Variants in OR1F1 observed in about 807,000 individuals in gnomAD.
OR1F1 encodes olfactory receptor family 1 subfamily F member 1, also known as olfactory receptor 1F1.
For synonymous variants in OR1F1, 184 were observed against 156.7 expected, an observed-to-expected ratio of 1.17 and a Z score of -1.30; for missense variants, 493 against 376.3, an observed-to-expected ratio of 1.31 and a Z score of -2.57.
chr16:3,205,646 A>G (rs1958199167), downstream of OR1F1, among the ~76,000 whole-genome samples: 1 of 152,170 alleles, frequency 6.6e-6, no homozygotes, highest in South Asian at 2.1e-4. Context: ...TCCCAAAATT[A>G]ATACTTTTAT....
the OR1F1 span, among the ~76,000 whole-genome samples, chr16:3,196,088 A>T: frequency 6.6e-6 from 1 of 152,184 alleles, no homozygotes; most frequent in Non-Finnish European, 1.5e-5. Flanking sequence ...GCACTGCCTG[A>T]TTCATCCTCA....
upstream of OR1F1, chr16:3,204,106 C>T: frequency 1.5e-6 from 1 of 649,182 alleles, no homozygotes; most frequent in Non-Finnish European, 2.6e-6. Context: ...CAGTAGCAGC[C>T]CCAGCAGGGT....
At chr16:3,197,765 AAGAGAGGGAGAAGGAG>A in the OR1F1 span, among the ~76,000 whole-genome samples, 4 of 19,754 alleles carry the variant, frequency 2.0e-4, no homozygotes, top group Non-Finnish European at 2.9e-4. Context: ...GAGAAGGAGA[AAGAGAGGGAGAAGGAG>A]GGAGAGGGAG....
At chr16:3,193,836 A>G in the OR1F1 span, among the ~76,000 whole-genome samples, 1 of 152,172 alleles carries the variant, frequency 6.6e-6, no homozygotes, top group Admixed American at 6.5e-5. Flanking sequence ...ATAAATGCCC[A>G]AACCAATTCT....
the OR1F1 span, chr16:3,189,638 C>G: frequency 1.3e-5 from 2 of 151,952 alleles, no homozygotes; most frequent in African/African-American, 4.8e-5. Context: ...TCGTGTGGCT[C>G]GTTGGTCTAG....
chr16:3,203,312 A>T (rs1453642794), upstream of OR1F1, among the ~76,000 whole-genome samples: 2 of 152,182 alleles, frequency 1.3e-5, no homozygotes, highest in Non-Finnish European at 1.5e-5. Context: ...TCAAGGGCTG[A>T]GTCTGTGCAG....
chr16:3,204,345 C>T, exon 1 of OR1F1: 1 of 1,614,120 alleles, frequency 6.2e-7, no homozygotes. Context: ...TCTTCCTCAG[C>T]ATGTACCTGG....
the OR1F1 span, among the ~76,000 whole-genome samples, chr16:3,196,324 G>A: frequency 6.6e-6 from 1 of 152,196 alleles, no homozygotes; most frequent in Non-Finnish European, 1.5e-5. Flanking sequence ...ATGAAGGTTA[G>A]TAACGTTTAG....
chr16:3,203,500 T>C (rs1157135021), upstream of OR1F1, among the ~76,000 whole-genome samples: 1 of 152,212 alleles, frequency 6.6e-6, no homozygotes, highest in Non-Finnish European at 1.5e-5. Context: ...GTGTGGTGGC[T>C]CACGCCTGTA....
chr16:3,194,023 G>C, the OR1F1 span, among the ~76,000 whole-genome samples: 1 of 152,058 alleles, frequency 6.6e-6, no homozygotes, highest in Non-Finnish European at 1.5e-5. Context: ...CTTGGGGTAA[G>C]GTATCACGCC....
downstream of OR1F1, chr16:3,205,246 A>G: frequency 1.7e-6 from 2 of 1,203,722 alleles, no homozygotes; most frequent in Non-Finnish European, 2.4e-6. Context: ...ATTGAGTTTA[A>G]TGCAGTAGTT....
the OR1F1 span, among the ~76,000 whole-genome samples, chr16:3,195,504 AC>A: frequency 6.6e-6 from 1 of 151,856 alleles, no homozygotes; most frequent in African/African-American, 2.4e-5. Flanking sequence ...ACATGGTGAA[AC>A]CCTGTCTCTA....
At chr16:3,205,186 T>G (rs200823415) in exon 1 of OR1F1, 1 of 1,599,748 alleles carries the variant, frequency 6.3e-7, no homozygotes, top group Admixed American at 1.7e-5. Flanking sequence ...TTCTGTCTGA[T>G]GAAATAATCA....
At chr16:3,190,852 A>C in the OR1F1 span, among the ~76,000 whole-genome samples, 1 of 152,174 alleles carries the variant, frequency 6.6e-6, no homozygotes, top group East Asian at 1.9e-4. Flanking sequence ...GATGCAGACT[A>C]TTGGGAAGTC....
chr16:3,198,480 G>A, the OR1F1 span, among the ~76,000 whole-genome samples: 2 of 152,172 alleles, frequency 1.3e-5, no homozygotes, highest in Non-Finnish European at 2.9e-5. Flanking sequence ...GAACATGGGT[G>A]TTTTAGGGGA....
At chr16:3,192,462 G>T in the OR1F1 span, among the ~76,000 whole-genome samples, 1 of 152,192 alleles carries the variant, frequency 6.6e-6, no homozygotes, top group Non-Finnish European at 1.5e-5. Context: ...GTTACTGGGG[G>T]AATTTAGAAT....
chr16:3,195,574 C>T, the OR1F1 span, among the ~76,000 whole-genome samples: 1 of 149,364 alleles, frequency 6.7e-6, no homozygotes, highest in African/African-American at 2.5e-5. Context: ...CCCAGCTACT[C>T]GGGAGGCTGA....
upstream of OR1F1, among the ~76,000 whole-genome samples, chr16:3,202,615 G>A (rs367938901): frequency 4.5e-4 from 68 of 150,600 alleles, no homozygotes; most frequent in South Asian, 5.0e-3. Context: ...GGTAGTGCAC[G>A]CCTGTAGTAC....
chr16:3,204,412 C>A, exon 1 of OR1F1: 6 of 1,614,152 alleles, frequency 3.7e-6, no homozygotes, highest in Non-Finnish European at 5.1e-6. Context: ...CTCCTGCCTG[C>A]ACACCCCCAT....
Sources: gnomAD v4.1 joint callset for allele counts (sites outside exome capture counted in the v4.1 genomes callset) on GRCh38, gnomAD v4.1.1 for gene constraint, MANE v1.5 for transcripts, NCBI Gene and HGNC (gene_info 2026-07-23, HGNC 2026-07-21) for gene names.